Variants in CLIC5 observed in about 807,000 individuals in gnomAD.
CLIC5 encodes chloride intracellular channel protein 5.
Under a neutral mutation model 24.7 loss-of-function variants are expected in CLIC5, and 20 were observed. The observed-to-expected ratio is 0.81, with a 90% confidence interval of 0.57 to 1.18. CLIC5 has a LOEUF of 1.18. Ranked by LOEUF, CLIC5 falls within the 50% of genes most tolerant of loss-of-function variation. The pLI, the probability that CLIC5 is intolerant of heterozygous loss-of-function variation, is 0.00. For synonymous variants in CLIC5, 159 were observed against 135.6 expected, an observed-to-expected ratio of 1.17 and a Z score of -1.20; for missense variants, 341 against 326.1, an observed-to-expected ratio of 1.05 and a Z score of -0.35.
intron 4 of CLIC5, among the ~76,000 whole-genome samples, chr6:45,928,155 G>A (rs1763575347): frequency 6.6e-6 from 1 of 152,118 alleles, no homozygotes; most frequent in South Asian, 2.1e-4. Context: ...GTTCCATGTA[G>A]CAACTTTTTC....
chr6:45,932,932 G>A (rs1240567410), intron 4 of CLIC5: 1 of 152,212 alleles, frequency 6.6e-6, no homozygotes, highest in Non-Finnish European at 1.5e-5. Flanking sequence ...TTGATATTGT[G>A]TTAATAAGAA....
the CLIC5 span, among the ~76,000 whole-genome samples, chr6:46,123,267 G>T: frequency 6.6e-6 from 1 of 152,166 alleles, no homozygotes; most frequent in Non-Finnish European, 1.5e-5. Flanking sequence ...GGCATGCAAG[G>T]CTGGTTCAAC....
chr6:45,886,769 TTG>T (rs1309781743), intron 6 of CLIC5, among the ~76,000 whole-genome samples: 3 of 152,200 alleles, frequency 2.0e-5, no homozygotes, highest in Non-Finnish European at 1.5e-5. Flanking sequence ...GTTTGCCTCC[TTG>T]TGTGATGAGC....
the CLIC5 span, among the ~76,000 whole-genome samples, chr6:46,105,712 C>A: frequency 6.6e-6 from 1 of 152,162 alleles, no homozygotes; most frequent in Non-Finnish European, 1.5e-5. Flanking sequence ...TAAAGCTCTG[C>A]TCTATTTTAC....
chr6:45,926,184 C>T (rs907247595), intron 4 of CLIC5, among the ~76,000 whole-genome samples: 14 of 151,296 alleles, frequency 9.3e-5, no homozygotes, highest in African/African-American at 3.2e-4. Flanking sequence ...CATATATACA[C>T]ACACACACAT....
chr6:45,896,873 C>T (rs1762400386), downstream of CLIC5, among the ~76,000 whole-genome samples: 1 of 152,146 alleles, frequency 6.6e-6, no homozygotes, highest in Admixed American at 6.5e-5. Context: ...CCTGGGACGC[C>T]TCCTGGGTGA....
intron 6 of CLIC5, among the ~76,000 whole-genome samples, chr6:45,892,618 T>A (rs570514754): frequency 1.3e-5 from 2 of 152,222 alleles, no homozygotes; most frequent in Non-Finnish European, 2.9e-5. Context: ...AACCATGTGT[T>A]TTATCTGGTG....
At chr6:46,104,664 TAAAA>T in the CLIC5 span, among the ~76,000 whole-genome samples, 8 of 131,372 alleles carry the variant, frequency 6.1e-5, no homozygotes, top group African/African-American at 2.3e-4. Flanking sequence ...CTCCTATGTT[TAAAA>T]AAAAAAAAAA....
chr6:45,929,173 G>A (rs970360143), intron 4 of CLIC5, among the ~76,000 whole-genome samples: 5 of 148,876 alleles, frequency 3.4e-5, no homozygotes, highest in Admixed American at 1.3e-4. Context: ...ACCACCAACC[G>A]CCTTCCTTAC....
Position 46,063,290 on chromosome 6 carries a change from T to C in CLIC5, c.540+16413A>G, listed in dbSNP as rs187980685. On this transcript the variant is annotated intron_variant, in intron 1 of 5. Coordinates refer to the CLIC5 transcript ENST00000185206. ...AGCAACTCAAGATAAATGGAGATCT[T>C]AGAGTCAATTGCAACAACCTCCACT... Among the ~76,000 whole-genome samples, 45 of 152,292 alleles carry C rather than the reference T, an allele frequency of 3.0e-4. No individual in the cohort carries two copies. In the East Asian group the frequency reaches 5.2e-3, roughly 18 times the overall value.
chr6:46,060,624 T>G (rs1314532981), intron 1 of CLIC5, among the ~76,000 whole-genome samples: 2 of 152,204 alleles, frequency 1.3e-5, no homozygotes, highest in African/African-American at 4.8e-5. Context: ...TGATCCACTA[T>G]GCTAAACCTC....
chr6:45,998,421 G>T (rs1290337619), intron 1 of CLIC5, among the ~76,000 whole-genome samples: 1 of 152,184 alleles, frequency 6.6e-6, no homozygotes, highest in African/African-American at 2.4e-5. Context: ...TGCAGGGGAA[G>T]TGAGAGGAGG....
the CLIC5 span, among the ~76,000 whole-genome samples, chr6:46,124,857 C>A: frequency 6.6e-6 from 1 of 152,166 alleles, no homozygotes; most frequent in Non-Finnish European, 1.5e-5. Flanking sequence ...CAGAGAAGTG[C>A]AAATCAAAAC....
At chr6:45,953,319 G>A (rs552194917) in intron 2 of CLIC5, among the ~76,000 whole-genome samples, 2 of 152,208 alleles carry the variant, frequency 1.3e-5, no homozygotes, top group Admixed American at 6.5e-5. Flanking sequence ...ACTAAATCAC[G>A]ACACAAGGCA....
chr6:46,043,688 G>C (rs1767877891), intron 1 of CLIC5, among the ~76,000 whole-genome samples: 1 of 152,170 alleles, frequency 6.6e-6, no homozygotes. Flanking sequence ...CACAAAATCT[G>C]AACTGTGGAG....
At chr6:45,914,111 C>T (rs935217944) in intron 5 of CLIC5, 117 bp downstream of exon 5, 31 of 793,264 alleles carry the variant, frequency 3.9e-5, no homozygotes, top group Non-Finnish European at 5.1e-5. Flanking sequence ...TATTACCTGA[C>T]TTCAGGGTCC....
intron 2 of CLIC5, among the ~76,000 whole-genome samples, chr6:45,954,659 C>T (rs889787765): frequency 3.0e-4 from 45 of 152,266 alleles, no homozygotes; most frequent in African/African-American, 1.0e-3. Context: ...ACAGTAGTTG[C>T]TTTTCGTCCA....
chr6:45,891,300 T>C (rs747773672), intron 6 of CLIC5, among the ~76,000 whole-genome samples: 2 of 152,168 alleles, frequency 1.3e-5, no homozygotes, highest in Non-Finnish European at 2.9e-5. Context: ...ATAAATAAGA[T>C]GTATGCATAT....
chr6:45,881,452 C>G (rs571866224), intron 6 of CLIC5, among the ~76,000 whole-genome samples: 105 of 152,200 alleles, frequency 6.9e-4, no homozygotes, highest in African/African-American at 2.1e-3. Context: ...GGCCTTCCGG[C>G]GGCAGATTCT....
Sources: allele counts gnomAD v4.1 joint callset (sites outside exome capture counted in the v4.1 genomes callset), GRCh38; gene constraint gnomAD v4.1.1; transcripts MANE v1.5; gene names NCBI Gene and HGNC (gene_info 2026-07-23, HGNC 2026-07-21).